The following GEN1 variants were observed in gnomAD, a reference collection of about 807,000 sequenced individuals.
GEN1 encodes GEN1 structure-specific endonuclease.
GEN1 carries 64 observed loss-of-function variants against 67.6 expected under a neutral mutation model. The observed-to-expected ratio is 0.95, with a 90% CI of 0.77 to 1.17. The LOEUF (loss-of-function observed/expected upper bound fraction) is 1.17. Among genes scored for constraint, GEN1 ranks in the 50% most tolerant of loss-of-function variants. The probability of loss-of-function intolerance (pLI) is 0.00; values close to 1 mark genes in which losing one functional copy is unlikely to be tolerated. For missense variants in GEN1, 1,058 were observed against 1,048.3 expected (o/e 1.01, Z -0.13); for synonymous variants, 371 against 359.4 (o/e 1.03, Z -0.37).
At position 17,785,471 on chromosome 2, in the gene GEN1, G is replaced by T. The variant is rs1474532078; in HGVS notation, c.*3532G>T. 6.6e-6 allele frequency: 1 copy of T among 152,362 alleles called. No individual in the cohort carries two copies. The highest frequency in any genetic ancestry group is 2.4e-5 in the African/African-American group (1 of 41,458). 9.4% of individuals were successfully genotyped at this position (152,362 alleles called of 1,614,324 possible). On this transcript the variant is annotated 3_prime_UTR_variant, in exon 14 of 14. Coordinates refer to ENST00000381254, the MANE Select transcript of GEN1 (RefSeq NM_001130009.3). ...CTCTGCCAAAGATCTGCCTCCAGCTGCTAGGATCCTGTAATTGGTTTCTTT... is the reference window on the plus strand; with the variant it reads ...CTCTGCCAAAGATCTGCCTCCAGCTTCTAGGATCCTGTAATTGGTTTCTTT...
chr2:17,771,099 G>C (rs1178581509), intron 6 of GEN1, 97 bp from the exon 7 acceptor site: 1 of 756,668 alleles, frequency 1.3e-6, no homozygotes, highest in African/African-American at 1.7e-5. Flanking sequence ...AAATAATTAG[G>C]TAGGTGAAAG....
At chr2:17,765,655 C>T (rs181771340) in intron 4 of GEN1, among the ~76,000 whole-genome samples, 13 of 152,168 alleles carry the variant, frequency 8.5e-5, no homozygotes, top group African/African-American at 2.4e-4. Flanking sequence ...CTATCCCTCC[C>T]GAAATGCTAA....
chr2:17,778,005 T>C lies in GEN1; in HGVS notation c.1206T>C (p.Ile402=). The part of the protein sequence containing the change: ...RNSNQLQPIR[I]VKTRIRNGVH... The stretch of plus-strand genomic sequence containing the variant: ...ATTAAATGAATTTGTTTTTCAGAAT[T>C]GTTAAGACTCGAATCAGAAATGGAG... The change falls in exon 12 of 14, where the codon ATT becomes ATC. Residue 402 remains isoleucine (I), a synonymous_variant. Coordinates refer to ENST00000381254, the MANE Select transcript of GEN1 (RefSeq NM_001130009.3). The C allele has an allele frequency of 6.4e-7, 1 of 1,574,340 alleles. No homozygotes were observed. The highest frequency in any genetic ancestry group is 8.7e-7 in the Non-Finnish European group (1 of 1,145,832).
At chr2:17,760,578 A>G (rs770629612) in intron 2 of GEN1, among the ~76,000 whole-genome samples, 23 of 152,110 alleles carry the variant, frequency 1.5e-4, no homozygotes, top group African/African-American at 5.6e-4. Context: ...ACCCCAGACT[A>G]TTTTCCACAT....
At position 17,764,909 on chromosome 2, in the gene GEN1, C is replaced by T; in HGVS notation, c.361C>T (p.Leu121Phe). ...TTTTTGTTTTCAGTGCCTCCATATG[C>T]TCGAATGCTTAGGAATCCCCTGGGT... The part of the protein sequence containing the change: ...KSVLRECLHM[L>F]ECLGIPWVQA... Residue 121 changes from leucine to phenylalanine, a missense_variant, in exon 4 of 14, where the codon CTC becomes TTC. Physicochemically the swap from Leu to Phe is conservative, Grantham distance 22 (BLOSUM62 0). Transcript: ENST00000381254. 6.2e-7 allele frequency: 1 copy of T among 1,613,358 alleles called. No homozygotes were observed. The highest frequency in any genetic ancestry group is 8.5e-7 in the Non-Finnish European group (1 of 1,179,794).
At chr2:17,764,419 A>G (rs1203568848) in intron 3 of GEN1, among the ~76,000 whole-genome samples, 1 of 152,256 alleles carries the variant, frequency 6.6e-6, no homozygotes. Flanking sequence ...GAATCTGACT[A>G]TAATAGCAAT....
In GEN1 at chr2:17,784,114, G is replaced by A. The variant is rs981935189; in HGVS notation, c.*2175G>A. On this transcript the variant is annotated 3_prime_UTR_variant, in exon 14 of 14. Transcript: ENST00000381254. ...AAATGTGATAAGGGACTTGTATCTT[G>A]GTGGTATATAAAGAACTCGTAACTC... 1.4e-4 allele frequency: 21 copies of A among 152,036 alleles called. No homozygotes were observed. The highest frequency in any genetic ancestry group is 1.3e-3 in the Admixed American group (20 of 15,266). 9.4% of individuals were successfully genotyped at this position (152,036 alleles called of 1,614,324 possible). A position where few individuals can be genotyped will look rare whatever the true frequency, so the allele number is the denominator to read the frequency against.
At chr2:17,761,990 T>C (rs16983829) in intron 3 of GEN1, among the ~76,000 whole-genome samples, 20,904 of 152,086 alleles carry the variant, frequency 0.14, 1,751 homozygotes, top group African/African-American at 0.24. Context: ...CTTCACTCAT[T>C]CAGAATTCAT....
chr2:17,761,710 G>A lies in GEN1; in HGVS notation c.348+128G>A, dbSNP rs965095874. The A allele has an allele frequency of 1.1e-5, 7 of 658,576 alleles. No individual in the cohort carries two copies. The African/African-American group carries it at 1.1e-4, about 11-fold the overall frequency. The allele number at this position is 658,576 out of a possible 1,614,324, so 40.8% of individuals were successfully genotyped here. The stretch of plus-strand genomic sequence containing the variant: ...AGCAGGGATGTGCCTAGAGAAAAGA[G>A]TTTATTTTTTAGAGTGAAATTGACC... On this transcript the variant is annotated intron_variant, in intron 3 of 13. Transcript: ENST00000381254.
chr2:17,778,280 A>ACACACACATATATGTGTGTACATATATG (rs1360468644), intron 12 of GEN1, among the ~76,000 whole-genome samples: 1 of 118,128 alleles, frequency 8.5e-6, no homozygotes, highest in Non-Finnish European at 1.7e-5. Flanking sequence ...ATATATGTAT[A>ACACACACATATATGTGTGTACATATATG]TACACACACA....
Position 17,761,564 on chromosome 2 carries a change from T to C in GEN1, c.330T>C (p.Phe110=). The change falls in exon 3 of 14, where the codon TTT becomes TTC. Residue 110 remains phenylalanine (F), a synonymous_variant. Transcript: ENST00000381254. ...CTCAGAAAACAGGGAGATCACATTT[T>C]AAATCAGTCTTAAGAGAGGTGAGCA... ...SWSQKTGRSH[F]KSVLRECLHM... 6.2e-7 allele frequency: 1 copy of C among 1,609,828 alleles called. No individual in the cohort carries two copies. Among genetic ancestry groups the C allele is most frequent in the South Asian group, 1.1e-5 (1 of 89,914 alleles).
chr2:17,770,913 CAT>C (rs201427576), intron 6 of GEN1, among the ~76,000 whole-genome samples: 24 of 150,328 alleles, frequency 1.6e-4, no homozygotes, highest in Admixed American at 1.0e-3. Context: ...TATATACATA[CAT>C]ATATATATAT....
At chr2:17,778,336 G>GTATA (rs200237376) in intron 12 of GEN1, among the ~76,000 whole-genome samples, 1 of 28,742 alleles carries the variant, frequency 3.5e-5, no homozygotes, top group African/African-American at 8.2e-5. Context: ...GTACATATAT[G>GTATA]TATACACACA....
intron 12 of GEN1, 96 bp downstream of exon 12, chr2:17,778,159 C>A: frequency 1.8e-6 from 1 of 544,732 alleles, no homozygotes; most frequent in Non-Finnish European, 3.4e-6. Context: ...TATATACACA[C>A]ACACATAGAT....
Position 17,760,006 on chromosome 2 carries a change from T to C in GEN1, c.63T>C (p.Asn21=). 6.2e-7 allele frequency: 1 copy of C among 1,614,140 alleles called. No homozygotes were observed. The highest frequency in any genetic ancestry group is 8.5e-7 in the Non-Finnish European group (1 of 1,180,018). ...EPVKQHIPLR[N]LGGKTIAVDL... The stretch of plus-strand genomic sequence containing the variant: ...TTAAGCAACACATCCCCTTGCGTAA[T>C]CTTGGTGGGAAAACCATTGCAGTTG... Residue 21 remains asparagine, a synonymous_variant, in exon 2 of 14, where the codon AAT becomes AAC. Transcript: ENST00000381254.
chr2:17,782,441 C>A lies in GEN1; in HGVS notation c.*502C>A, dbSNP rs1672890584. The stretch of plus-strand genomic sequence containing the variant: ...CTTTGGAAGGCCATGCAAGGTGTTC[C>A]ATTATAACTCTTTTTCCTAAGAGTT... On this transcript the variant is annotated 3_prime_UTR_variant, in exon 14 of 14. Coordinates refer to ENST00000381254, the MANE Select transcript of GEN1 (RefSeq NM_001130009.3). 1 of 152,186 alleles carries A rather than the reference C, an allele frequency of 6.6e-6. No homozygotes were observed. The highest frequency in any genetic ancestry group is 1.5e-5 in the Non-Finnish European group (1 of 68,072). 9.4% of individuals were successfully genotyped at this position (152,186 alleles called of 1,614,324 possible).
chr2:17,762,491 G>T (rs1671736115), intron 3 of GEN1, among the ~76,000 whole-genome samples: 1 of 152,064 alleles, frequency 6.6e-6, no homozygotes, highest in South Asian at 2.1e-4. Flanking sequence ...ACAGGTGTGA[G>T]CCCCTGTGCC....
chr2:17,759,848 G>A, intron 1 of GEN1, 81 bp from the exon 2 acceptor site: 1 of 1,223,182 alleles, frequency 8.2e-7, no homozygotes, highest in Non-Finnish European at 1.2e-6. Context: ...TCCTGAACTG[G>A]CTTATAATAT....
chr2:17,754,075 G>A (rs1223016348), upstream of GEN1: 1 of 152,316 alleles, frequency 6.6e-6, no homozygotes, highest in Non-Finnish European at 1.5e-5. Flanking sequence ...AAAGCCGAGC[G>A]GGCCCCATTG....
Sources: gnomAD v4.1 joint callset for allele counts (sites outside exome capture counted in the v4.1 genomes callset) on GRCh38, gnomAD v4.1.1 for gene constraint, MANE v1.5 for transcripts, NCBI Gene and HGNC (gene_info 2026-07-23, HGNC 2026-07-21) for gene names.